The following HDAC9 variants were observed in gnomAD, a reference collection of about 807,000 sequenced individuals.
The protein encoded by HDAC9 is MEF-2 interacting transcription repressor (MITR) protein.
A neutral mutation model predicts 139.4 loss-of-function variants in HDAC9; 41 were observed. That is an observed-to-expected ratio of 0.29 (90% CI 0.23 to 0.38). The LOEUF is 0.38. HDAC9 is among the 10% of genes least tolerant of loss of function. The pLI is 1.00. For synonymous variants in HDAC9, 517 were observed against 476.2 expected (o/e 1.09, Z -1.12); for missense variants, 1,147 against 1,297.0 (o/e 0.88, Z 1.78).
At chr7:18,144,723 G>A (rs1786170287) in intron 1 of HDAC9, among the ~76,000 whole-genome samples, 1 of 151,714 alleles carries the variant, frequency 6.6e-6, no homozygotes, top group Admixed American at 6.6e-5. Context: ...CTCTTCCTTA[G>A]CCTCACTCTC....
intron 22 of HDAC9, among the ~76,000 whole-genome samples, chr7:18,927,515 C>A (rs1470230263): frequency 6.6e-6 from 1 of 152,020 alleles, no homozygotes; most frequent in South Asian, 2.1e-4. Flanking sequence ...ATTAGACTTC[C>A]CTGGATGTGC....
intron 2 of HDAC9, among the ~76,000 whole-genome samples, chr7:18,179,187 C>T (rs1277472763): frequency 6.6e-6 from 1 of 152,226 alleles, no homozygotes; most frequent in Non-Finnish European, 1.5e-5. Flanking sequence ...GAGGAACCAC[C>T]TTGGGTAGGC....
chr7:18,903,761 C>G (rs539496931), intron 22 of HDAC9, among the ~76,000 whole-genome samples: 1 of 152,314 alleles, frequency 6.6e-6, no homozygotes, highest in South Asian at 2.1e-4. Context: ...CTCCTAAGAT[C>G]TCTTCTCTCT....
rs372919605 is a variant in HDAC9, at chr7:18,160,585, A to G, written c.-96-1644A>G. 5.3e-4 allele frequency among the ~76,000 whole-genome samples: 80 copies of G among 152,274 alleles called. No homozygotes were observed. In the South Asian group the frequency reaches 6.8e-3, roughly 13 times the overall value. Reference sequence around the variant, plus strand: ...GCATGTCTAAAAGCACTTTGTAACTATAAAGAACAGTGTGAGCAATGTTTG... The same window carrying G: ...GCATGTCTAAAAGCACTTTGTAACTGTAAAGAACAGTGTGAGCAATGTTTG... On this transcript the variant is annotated intron_variant, in intron 1 of 12. Transcript: ENST00000417496.
At chr7:18,963,745 A>C (rs1178324508) in intron 24 of HDAC9, among the ~76,000 whole-genome samples, 3 of 152,192 alleles carry the variant, frequency 2.0e-5, no homozygotes, top group African/African-American at 7.2e-5. Flanking sequence ...AAAAAGGTGA[A>C]TCTTAAAGCA....
chr7:18,472,938 A>G (rs758615531), intron 1 of HDAC9, among the ~76,000 whole-genome samples: 4 of 152,212 alleles, frequency 2.6e-5, no homozygotes, highest in Non-Finnish European at 4.4e-5. Flanking sequence ...AAATGAATGA[A>G]TTAAGGCCAC....
intron 17 of HDAC9, among the ~76,000 whole-genome samples, chr7:18,799,088 CACACACAG>C (rs1313982485): frequency 6.0e-5 from 9 of 149,034 alleles, no homozygotes; most frequent in Non-Finnish European, 8.9e-5. Flanking sequence ...CACACACACA[CACACACAG>C]AGCCCCTCGG....
intron 1 of HDAC9, among the ~76,000 whole-genome samples, chr7:18,331,633 T>A (rs1401748797): frequency 1.4e-5 from 2 of 147,962 alleles, no homozygotes; most frequent in Non-Finnish European, 1.5e-5. Flanking sequence ...AATAAAAAAA[T>A]TTTAAAAAAA....
intron 1 of HDAC9, among the ~76,000 whole-genome samples, chr7:18,311,039 C>G (rs1799283607): frequency 6.6e-6 from 1 of 151,542 alleles, no homozygotes; most frequent in South Asian, 2.1e-4. Context: ...TAACTTTTTG[C>G]TCACATCAAT....
intron 12 of HDAC9, among the ~76,000 whole-genome samples, chr7:18,723,703 CTT>C (rs1785309525): frequency 9.9e-6 from 1 of 101,448 alleles, no homozygotes; most frequent in Non-Finnish European, 2.3e-5. Context: ...TAGAACAATA[CTT>C]ACTTACTATT....
rs553043445 is a variant in HDAC9, at chr7:18,461,390, T to C, written c.-41-34872T>C. Among the ~76,000 whole-genome samples the C allele has an allele frequency of 6.6e-5, 10 of 152,286 alleles. No individual in the cohort carries two copies. In the East Asian group the frequency reaches 1.9e-3, roughly 29 times the overall value. Reference sequence around the variant, plus strand: ...TTTAGTGGAAGTGTTTATTGTAAAATTGAATGATACTAAAATATTTTGCTT... The same window carrying C: ...TTTAGTGGAAGTGTTTATTGTAAAACTGAATGATACTAAAATATTTTGCTT... On this transcript the variant is annotated intron_variant, in intron 1 of 3. Transcript: ENST00000413509.
intron 2 of HDAC9, among the ~76,000 whole-genome samples, chr7:18,507,543 A>C (rs1800188725): frequency 6.6e-6 from 1 of 150,504 alleles, no homozygotes; most frequent in Non-Finnish European, 1.5e-5. Context: ...TGCCCAGGCT[A>C]GAGTGCAATG....
At chr7:18,821,190 G>T (rs1438767061) in intron 17 of HDAC9, among the ~76,000 whole-genome samples, 1 of 152,188 alleles carries the variant, frequency 6.6e-6, no homozygotes, top group African/African-American at 2.4e-5. Context: ...TTTATGATAG[G>T]AAATGCTCTC....
chr7:18,173,528 A>T (rs1157117144), intron 2 of HDAC9, among the ~76,000 whole-genome samples: 3 of 152,062 alleles, frequency 2.0e-5, no homozygotes, highest in Non-Finnish European at 4.4e-5. Flanking sequence ...CAGTTAGTTG[A>T]TGCAGTTTCT....
chr7:18,452,717 C>G (rs1298765225), intron 1 of HDAC9, among the ~76,000 whole-genome samples: 1 of 152,114 alleles, frequency 6.6e-6, no homozygotes, highest in African/African-American at 2.4e-5. Context: ...CTTACAAGAT[C>G]TGATGGTTTT....
At chr7:18,510,728 T>A (rs1801235189) in intron 2 of HDAC9, among the ~76,000 whole-genome samples, 1 of 152,074 alleles carries the variant, frequency 6.6e-6, no homozygotes, top group African/African-American at 2.4e-5. Flanking sequence ...TAAAGTAAAA[T>A]GTCAGAATAA....
At chr7:18,594,554 CAG>C (rs1470632874) in intron 6 of HDAC9, among the ~76,000 whole-genome samples, 3 of 151,974 alleles carry the variant, frequency 2.0e-5, no homozygotes, top group Non-Finnish European at 4.4e-5. Flanking sequence ...TAATAGAACT[CAG>C]AGTGAAATTA....
intron 23 of HDAC9, among the ~76,000 whole-genome samples, chr7:18,936,786 ATCAT>A (rs1256920035): frequency 1.3e-5 from 2 of 152,152 alleles, no homozygotes; most frequent in African/African-American, 4.8e-5. Context: ...TTAAAAATCT[ATCAT>A]TCATATCATT....
intron 2 of HDAC9, among the ~76,000 whole-genome samples, chr7:18,514,220 G>C (rs942745697): frequency 1.3e-5 from 2 of 152,106 alleles, no homozygotes; most frequent in African/African-American, 4.8e-5. Flanking sequence ...ATTTTTCTCT[G>C]TAGCAAGTTA....
Sources: gnomAD v4.1 joint callset for allele counts (sites outside exome capture counted in the v4.1 genomes callset) on GRCh38, gnomAD v4.1.1 for gene constraint, MANE v1.5 for transcripts, NCBI Gene and HGNC (gene_info 2026-07-23, HGNC 2026-07-21) for gene names.